Variants in SNTG2 observed in about 807,000 individuals in gnomAD.
The protein encoded by SNTG2 is syntrophin gamma 2, also known as gamma-2-syntrophin.
In SNTG2, 74 loss-of-function variants were observed where a neutral mutation model predicts 70.9. The observed-to-expected ratio is 1.04, with a 90% CI of 0.86 to 1.27. The LOEUF is 1.27. SNTG2 is among the 50% of genes most tolerant of loss of function. The pLI is 0.00. For synonymous variants in SNTG2, 278 were observed against 273.8 expected, an observed-to-expected ratio of 1.02 and a Z score of -0.15; for missense variants, 717 against 690.7, an observed-to-expected ratio of 1.04 and a Z score of -0.43.
chr2:988,424 C>T (rs941139479), intron 1 of SNTG2, among the ~76,000 whole-genome samples: 5 of 152,180 alleles, frequency 3.3e-5, no homozygotes, highest in Non-Finnish European at 7.3e-5. Context: ...AATTTTACCA[C>T]GTGGAGTTTT....
At chr2:1,193,622 G>A (rs1672732106) in intron 8 of SNTG2, among the ~76,000 whole-genome samples, 1 of 152,026 alleles carries the variant, frequency 6.6e-6, no homozygotes, top group African/African-American at 2.4e-5. Context: ...ACATTTTTAT[G>A]TGTTACATTT....
intron 1 of SNTG2, among the ~76,000 whole-genome samples, chr2:981,964 A>C (rs533385313): frequency 4.6e-5 from 7 of 152,298 alleles, no homozygotes; most frequent in African/African-American, 9.6e-5. Flanking sequence ...ACACAGATGT[A>C]CACAGATGCA....
chr2:999,104 T>G (rs1022232612), intron 1 of SNTG2, among the ~76,000 whole-genome samples: 11 of 152,134 alleles, frequency 7.2e-5, no homozygotes, highest in Non-Finnish European at 2.9e-5. Context: ...ACTAAAGTAA[T>G]TTTCACCAAG....
chr2:1,301,050 A>T (rs1032442003), intron 14 of SNTG2, among the ~76,000 whole-genome samples: 3 of 152,108 alleles, frequency 2.0e-5, no homozygotes, highest in Non-Finnish European at 4.4e-5. Flanking sequence ...CGACAGCCTG[A>T]AGCTGTGTAA....
At chr2:1,127,001 CTG>C (rs1667735120) in intron 4 of SNTG2, among the ~76,000 whole-genome samples, 1 of 116,706 alleles carries the variant, frequency 8.6e-6, no homozygotes, top group South Asian at 3.2e-4. Flanking sequence ...CTTTTGTTAT[CTG>C]TGTTTTTGAG....
intron 1 of SNTG2, among the ~76,000 whole-genome samples, chr2:1,011,589 T>C (rs1187211761): frequency 1.3e-5 from 2 of 152,202 alleles, no homozygotes; most frequent in African/African-American, 4.8e-5. Flanking sequence ...CATAAAAAAC[T>C]GTGATTGTGA....
Position 1,070,497 on chromosome 2 carries a change from C to T in SNTG2, c.73-13021C>T, listed in dbSNP as rs369490305. ...AGTTTCCGACATAATACATGCTACT[C>T]ATATTATTTTTAATGTTAATATCGT... On this transcript the variant is annotated intron_variant, in intron 1 of 16. Transcript: ENST00000308624. Among the ~76,000 whole-genome samples the T allele has an allele frequency of 2.6e-5, 4 of 152,148 alleles. No homozygotes were observed. The East Asian group carries it at 7.7e-4, about 29-fold the overall frequency.
At chr2:1,031,528 A>ATATATATATATATATATTTTTTTTTTT in intron 1 of SNTG2, among the ~76,000 whole-genome samples, 5 of 59,104 alleles carry the variant, frequency 8.5e-5, no homozygotes, top group Non-Finnish European at 1.3e-4. Flanking sequence ...ATATATATAT[A>ATATATATATATATATATTTTTTTTTTT]TTTTTTTTTT....
rs562055399 is a variant in SNTG2, at chr2:1,159,289, T to C, written c.412-6259T>C. ...CATGTGTGTGTATGTGGGGGGTGTATATGTGTGACTGTGTTTGTTCTCATG... is the reference window on the plus strand; with the variant it reads ...CATGTGTGTGTATGTGGGGGGTGTACATGTGTGACTGTGTTTGTTCTCATG... On this transcript the variant is annotated intron_variant, in intron 6 of 16. Coordinates refer to ENST00000308624, the MANE Select transcript of SNTG2 (RefSeq NM_018968.4). The C allele has an allele frequency of 4.0e-5, 6 of 150,964 alleles. No individual in the cohort carries two copies. In the East Asian group the frequency reaches 1.2e-3, roughly 29 times the overall value. The allele number at this position is 150,964 out of a possible 1,614,324, so 9.4% of individuals were successfully genotyped here.
chr2:1,222,063 GTT>G (rs1347937983), intron 9 of SNTG2, among the ~76,000 whole-genome samples: 251 of 4,156 alleles, frequency 0.06, 35 homozygotes, highest in African/African-American at 0.086. Context: ...CTCTGTCTCT[GTT>G]TCTCTCTGTC....
chr2:986,603 G>C (rs1661332872), intron 1 of SNTG2, among the ~76,000 whole-genome samples: 1 of 152,220 alleles, frequency 6.6e-6, no homozygotes, highest in South Asian at 2.1e-4. Flanking sequence ...GGCTGAGCCT[G>C]ATGCTCACAT....
chr2:1,330,585 CTTA>C (rs1659473268), intron 16 of SNTG2, among the ~76,000 whole-genome samples: 1 of 152,168 alleles, frequency 6.6e-6, no homozygotes, highest in African/African-American at 2.4e-5. Flanking sequence ...ATTTAAATCT[CTTA>C]TTATCAGATT....
At chr2:1,222,201 G>C (rs191149617) in intron 9 of SNTG2, among the ~76,000 whole-genome samples, 1 of 151,154 alleles carries the variant, frequency 6.6e-6, no homozygotes, top group Non-Finnish European at 1.5e-5. Context: ...CCTCTCAGTC[G>C]AGGATCTTTT....
At chr2:1,281,231 G>GGTGTATA (rs1679504029) in intron 14 of SNTG2, among the ~76,000 whole-genome samples, 1 of 15,360 alleles carries the variant, frequency 6.5e-5, no homozygotes, top group Non-Finnish European at 1.4e-4. Flanking sequence ...TTGTGTTTAT[G>GGTGTATA]TGGTGTGGTG....
Position 1,206,064 on chromosome 2 carries a change from A to G in SNTG2, c.592-3039A>G, listed in dbSNP as rs190468285. ...TGAGCTCTGCATTCCTGTTGGAAGC[A>G]GCAAGATTACAAAAAGCTGACAGGT... is the stretch of plus-strand genomic sequence containing the variant. On this transcript the variant is annotated intron_variant, in intron 8 of 16. Coordinates refer to ENST00000308624, the MANE Select transcript of SNTG2 (RefSeq NM_018968.4). Among the ~76,000 whole-genome samples, 28 of 152,338 alleles carry G rather than the reference A, an allele frequency of 1.8e-4. No homozygotes were observed. In the East Asian group the frequency reaches 5.2e-3, roughly 28 times the overall value.
At position 954,510 on chromosome 2, in the gene SNTG2, C is replaced by T. The variant is rs139865076; in HGVS notation, c.72+3442C>T. Among the ~76,000 whole-genome samples, 597 of 152,232 alleles carry T rather than the reference C, an allele frequency of 3.9e-3. 1 individual carries two copies. The highest frequency in any genetic ancestry group is 6.8e-3 in the Non-Finnish European group (461 of 68,022). ...TTGTCATTGTTGTCCAGCTGGTTACCGCATGTTGTCATGACTGTAGTTTTG... is the reference window on the plus strand; with the variant it reads ...TTGTCATTGTTGTCCAGCTGGTTACTGCATGTTGTCATGACTGTAGTTTTG... On this transcript the variant is annotated intron_variant, in intron 1 of 16. Coordinates refer to ENST00000308624, the MANE Select transcript of SNTG2 (RefSeq NM_018968.4).
chr2:1,087,050 C>T (rs558512637), intron 2 of SNTG2, among the ~76,000 whole-genome samples: 7 of 152,078 alleles, frequency 4.6e-5, no homozygotes, highest in Non-Finnish European at 1.0e-4. Context: ...TTGAGGAATC[C>T]GGGGTGCTAA....
At chr2:1,194,940 A>G (rs1243134211) in intron 8 of SNTG2, among the ~76,000 whole-genome samples, 1 of 152,002 alleles carries the variant, frequency 6.6e-6, no homozygotes, top group Non-Finnish European at 1.5e-5. Flanking sequence ...ATGTGTTCTC[A>G]TTGTTCAACT....
At chr2:1,232,973 G>C (rs1676362025) in intron 9 of SNTG2, among the ~76,000 whole-genome samples, 1 of 152,202 alleles carries the variant, frequency 6.6e-6, no homozygotes, top group Non-Finnish European at 1.5e-5. Flanking sequence ...TTTCCTCTCT[G>C]TTACCACAGG....
Sources: gnomAD v4.1 joint callset for allele counts (sites outside exome capture counted in the v4.1 genomes callset) on GRCh38, gnomAD v4.1.1 for gene constraint, MANE v1.5 for transcripts, NCBI Gene and HGNC (gene_info 2026-07-23, HGNC 2026-07-21) for gene names.